ADAMTS18: variants seen among roughly 807,000 people sequenced by gnomAD.
The protein encoded by ADAMTS18 is ADAM metallopeptidase with thrombospondin type 1 motif 18.
Under a neutral mutation model 165.9 loss-of-function variants are expected in ADAMTS18, and 157 were observed. That is an observed-to-expected ratio of 0.95 (90% CI 0.83 to 1.08). ADAMTS18 has a LOEUF of 1.08. Ranked by LOEUF, ADAMTS18 falls within the 50% of genes least tolerant of loss-of-function variation. ADAMTS18 has a pLI of 0.00. For synonymous variants in ADAMTS18, 782 were observed against 578.2 expected (o/e 1.35, Z -5.06); for missense variants, 2,040 against 1,534.0 (o/e 1.33, Z -5.51).
chr16:77,407,872 G>A (rs2057412691), intron 3 of ADAMTS18, among the ~76,000 whole-genome samples: 1 of 152,022 alleles, frequency 6.6e-6, no homozygotes, highest in African/African-American at 2.4e-5. Flanking sequence ...GATCTTGGAT[G>A]TAAGAAAGCA....
At chr16:77,310,206 C>T (rs550915150) in intron 16 of ADAMTS18, among the ~76,000 whole-genome samples, 12 of 152,278 alleles carry the variant, frequency 7.9e-5, no homozygotes, top group Admixed American at 6.5e-4. Context: ...AAGATTGCAA[C>T]GAATGAATTT....
chr16:77,367,507 T>C lies in ADAMTS18; in HGVS notation c.712A>G (p.Ser238Gly). The C allele has an allele frequency of 6.2e-7, 1 of 1,614,258 alleles. No homozygotes were observed. The highest frequency in any genetic ancestry group is 8.5e-7 in the Non-Finnish European group (1 of 1,180,046). ...CGATGGTGATACTCTGTCTCTCGAC[T>C]CTGAGATGCATGGGGAATGTGACTT... is the stretch of plus-strand genomic sequence containing the variant. ...SPSHIPHASQ[S>G]RETEYHHRRL... The change falls in exon 4 of 23, where the codon AGT becomes GGT. Residue 238 changes from serine (S) to glycine (G), a missense_variant. Transcript: ENST00000282849.
At chr16:77,402,716 T>C (rs1396417398) in intron 3 of ADAMTS18, among the ~76,000 whole-genome samples, 2 of 152,338 alleles carry the variant, frequency 1.3e-5, no homozygotes, top group African/African-American at 4.8e-5. Context: ...CAAAACAAAG[T>C]GAAGGCTGGA....
At chr16:77,361,881 T>A (rs753091431) in intron 7 of ADAMTS18, among the ~76,000 whole-genome samples, 2 of 120,934 alleles carry the variant, frequency 1.7e-5, no homozygotes, top group Admixed American at 1.6e-4. Flanking sequence ...TGAAACTCCA[T>A]CTCAAATTAA....
intron 3 of ADAMTS18, among the ~76,000 whole-genome samples, chr16:77,411,316 G>T (rs905100590): frequency 6.6e-6 from 1 of 152,204 alleles, no homozygotes; most frequent in Non-Finnish European, 1.5e-5. Flanking sequence ...CTGTATGAAA[G>T]AACATGCTGG....
At chr16:77,345,662 C>T (rs929842920) in intron 10 of ADAMTS18, among the ~76,000 whole-genome samples, 1 of 152,184 alleles carries the variant, frequency 6.6e-6, no homozygotes, top group African/African-American at 2.4e-5. Flanking sequence ...CCTGAATTTA[C>T]ATTACTTAAA....
chr16:77,383,486 G>C (rs2057061911), intron 3 of ADAMTS18, among the ~76,000 whole-genome samples: 1 of 151,888 alleles, frequency 6.6e-6, no homozygotes, highest in African/African-American at 2.4e-5. Flanking sequence ...CCTGTGCCTA[G>C]AATGCTCTTC....
At chr16:77,285,148 A>G (rs1251665160) in intron 22 of ADAMTS18, among the ~76,000 whole-genome samples, 2 of 152,162 alleles carry the variant, frequency 1.3e-5, no homozygotes, top group African/African-American at 4.8e-5. Flanking sequence ...ACATAAGTGC[A>G]TGTTGTAGGA....
In ADAMTS18 at chr16:77,322,373, GGGGAGCAGGGA is replaced by G; in HGVS notation, c.2115_2125del (p.Pro706LysfsTer4). The G allele has an allele frequency of 6.2e-7, 1 of 1,613,844 alleles. No homozygotes were observed. The highest frequency in any genetic ancestry group is 8.5e-7 in the Non-Finnish European group (1 of 1,179,918). ...GTCAATACAAACATCATTTTTGTTT[GGGGAGCAGGGA>G]GTTCCATCTTTCACTTTGCCGGACA... On this transcript the variant is annotated frameshift_variant, in exon 14 of 23. Transcript: ENST00000282849. LOFTEE classifies it high-confidence loss of function.
intron 3 of ADAMTS18, among the ~76,000 whole-genome samples, chr16:77,393,453 T>C (rs12373087): frequency 1.3e-5 from 2 of 152,172 alleles, no homozygotes; most frequent in Non-Finnish European, 2.9e-5. Context: ...ATCTGAATGT[T>C]TGTATCACTC....
intron 13 of ADAMTS18, among the ~76,000 whole-genome samples, chr16:77,324,048 C>A (rs2056051325): frequency 6.6e-6 from 1 of 152,174 alleles, no homozygotes; most frequent in Non-Finnish European, 1.5e-5. Context: ...ATATCTTCAA[C>A]ACAGAATTTC....
At chr16:77,386,734 T>A (rs2057113204) in intron 3 of ADAMTS18, among the ~76,000 whole-genome samples, 2 of 152,194 alleles carry the variant, frequency 1.3e-5, no homozygotes, top group Non-Finnish European at 2.9e-5. Flanking sequence ...CTCTTATAGC[T>A]GTCAGATCAC....
At chr16:77,428,315 A>G (rs1276406618) in intron 3 of ADAMTS18, among the ~76,000 whole-genome samples, 2 of 152,166 alleles carry the variant, frequency 1.3e-5, no homozygotes, top group African/African-American at 2.4e-5. Context: ...ATCATCTATG[A>G]TTCTGAATCT....
At chr16:77,334,828 TACTATAGTATACA>T (rs1406409024) in intron 12 of ADAMTS18, among the ~76,000 whole-genome samples, 138 of 125,018 alleles carry the variant, frequency 1.1e-3, no homozygotes, top group Non-Finnish European at 1.9e-3. Flanking sequence ...ATATACTATA[TACTATAGTATACA>T]GTATATATAA....
At chr16:77,293,714 C>G (rs2055412559) in intron 19 of ADAMTS18, among the ~76,000 whole-genome samples, 1 of 150,234 alleles carries the variant, frequency 6.7e-6, no homozygotes, top group Non-Finnish European at 1.5e-5. Flanking sequence ...GGGGATAAAA[C>G]TGTTCCACCT....
chr16:77,324,527 C>A (rs190884187), intron 13 of ADAMTS18, among the ~76,000 whole-genome samples: 70 of 152,312 alleles, frequency 4.6e-4, no homozygotes, highest in Admixed American at 4.1e-3. Flanking sequence ...TAGACAAAGG[C>A]TTAGTCCTTG....
At chr16:77,392,904 C>A (rs980571974) in intron 3 of ADAMTS18, among the ~76,000 whole-genome samples, 3 of 152,038 alleles carry the variant, frequency 2.0e-5, no homozygotes, top group African/African-American at 7.2e-5. Context: ...TCTATGCTGA[C>A]TTGATGAGTG....
At chr16:77,391,924 T>G (rs2057193087) in intron 3 of ADAMTS18, among the ~76,000 whole-genome samples, 1 of 151,998 alleles carries the variant, frequency 6.6e-6, no homozygotes, top group Non-Finnish European at 1.5e-5. Context: ...CAGACAGAGG[T>G]GCTCTAACTT....
At chr16:77,363,368 A>G (rs2056744126) in intron 6 of ADAMTS18, among the ~76,000 whole-genome samples, 1 of 152,138 alleles carries the variant, frequency 6.6e-6, no homozygotes, top group Non-Finnish European at 1.5e-5. Context: ...TATTTTCAGT[A>G]TATTTTTGAA....
Sources: allele counts gnomAD v4.1 joint callset (sites outside exome capture counted in the v4.1 genomes callset), GRCh38; gene constraint gnomAD v4.1.1; transcripts MANE v1.5; gene names NCBI Gene and HGNC (gene_info 2026-07-23, HGNC 2026-07-21).